CMSS1: variants seen among roughly 807,000 people sequenced by gnomAD.
The protein encoded by CMSS1 is cms1 ribosomal small subunit homolog.
Under a neutral mutation model 43.5 loss-of-function variants are expected in CMSS1, and 33 were observed. The observed-to-expected ratio is 0.76, with a 90% CI of 0.57 to 1.01. The LOEUF is 1.01. Among genes scored for constraint, CMSS1 ranks in the 50% least tolerant of loss-of-function variants. The pLI, the probability that CMSS1 is intolerant of heterozygous loss-of-function variation, is 0.00. For missense variants in CMSS1, 313 were observed against 326.4 expected, an observed-to-expected ratio of 0.96 and a Z score of 0.32; for synonymous variants, 115 against 117.2, an observed-to-expected ratio of 0.98 and a Z score of 0.12.
intron 1 of CMSS1, among the ~76,000 whole-genome samples, chr3:99,825,508 C>T (rs1942519632): frequency 6.6e-6 from 1 of 152,176 alleles, no homozygotes; most frequent in Non-Finnish European, 1.5e-5. Context: ...GTTTAATTTA[C>T]TGCATATAAT....
At chr3:100,008,293 C>A (rs2107185909) in intron 1 of CMSS1, among the ~76,000 whole-genome samples, 1 of 152,278 alleles carries the variant, frequency 6.6e-6, no homozygotes, top group South Asian at 2.1e-4. Context: ...TAGACTTGAA[C>A]CAGTGCCAAA....
intron 2 of CMSS1, among the ~76,000 whole-genome samples, chr3:100,147,834 G>A (rs564654502): frequency 6.6e-6 from 1 of 152,218 alleles, no homozygotes; most frequent in East Asian, 1.9e-4. Context: ...CGTGGTCTTT[G>A]CCATTACCAG....
chr3:99,907,132 G>A (rs189442121), intron 1 of CMSS1, among the ~76,000 whole-genome samples: 49 of 152,308 alleles, frequency 3.2e-4, no homozygotes, highest in African/African-American at 1.2e-3. Context: ...TATACTGGAA[G>A]CAGCCCTTCA....
chr3:99,958,287 G>A (rs1337663638), intron 1 of CMSS1, among the ~76,000 whole-genome samples: 2 of 149,912 alleles, frequency 1.3e-5, no homozygotes, highest in Non-Finnish European at 3.0e-5. Flanking sequence ...GAATTTAAGA[G>A]AACAGTAACA....
At chr3:100,104,571 G>A (rs547118968) in intron 1 of CMSS1, among the ~76,000 whole-genome samples, 1 of 152,160 alleles carries the variant, frequency 6.6e-6, no homozygotes, top group Non-Finnish European at 1.5e-5. Context: ...AGTGACCAAG[G>A]CAGAGAAGAA....
chr3:99,946,941 C>A (rs566622943), intron 1 of CMSS1, among the ~76,000 whole-genome samples: 1 of 152,068 alleles, frequency 6.6e-6, no homozygotes, highest in South Asian at 2.1e-4. Context: ...TCAAGACCAG[C>A]CTGGCCAACA....
At chr3:99,906,029 C>T (rs892970163) in intron 1 of CMSS1, among the ~76,000 whole-genome samples, 2 of 152,082 alleles carry the variant, frequency 1.3e-5, no homozygotes, top group Middle Eastern at 3.2e-3. Flanking sequence ...CCTGTCTCTA[C>T]AAAAAATACA....
At chr3:99,945,877 AG>A (rs1448314422) in intron 1 of CMSS1, among the ~76,000 whole-genome samples, 1 of 152,208 alleles carries the variant, frequency 6.6e-6, no homozygotes, top group South Asian at 2.1e-4. Flanking sequence ...CTTGTCACAG[AG>A]CCAGTGGGAG....
In CMSS1 at chr3:99,873,431, C is replaced by G. The variant is rs188624966; in HGVS notation, c.64+55388C>G. On this transcript the variant is annotated intron_variant, in intron 1 of 9. Transcript: ENST00000421999. ...GGTTGAGACCAATATTGCCTTACAT[C>G]CACAATATCCAGTCTTTTATAAACA... Among the ~76,000 whole-genome samples the G allele has an allele frequency of 2.0e-5, 3 of 152,296 alleles. No homozygotes were observed. The East Asian group carries it at 5.8e-4, about 29-fold the overall frequency.
rs149488260 is a variant in CMSS1 at position 99,863,501 on chromosome 3, T to G, written c.64+45458T>G. ...AAAATGTCAAGTAGACTATTAAGGA[T>G]ATTTTATAATTTTTTTGACTCTTCA... On this transcript the variant is annotated intron_variant, in intron 1 of 9. Coordinates refer to ENST00000421999, the MANE Select transcript of CMSS1 (RefSeq NM_032359.4). 7.3e-3 allele frequency among the ~76,000 whole-genome samples: 1,105 copies of G among 152,300 alleles called. 18 individuals carry two copies. Among genetic ancestry groups the G allele is most frequent in the African/African-American group, 0.024 (1,016 of 41,552 alleles).
Position 100,153,464 on chromosome 3 carries a change from T to C in CMSS1, c.153+6403T>C, listed in dbSNP as rs138313559. On this transcript the variant is annotated intron_variant, in intron 2 of 9. Coordinates refer to ENST00000421999, the MANE Select transcript of CMSS1 (RefSeq NM_032359.4). ...GACAGGGTGGCTGAAACAACAGTTC[T>C]AAAAGCTAGAAGTCTGCGATCAAGA... 1.6e-4 allele frequency among the ~76,000 whole-genome samples: 24 copies of C among 152,344 alleles called. No individual in the cohort carries two copies. The East Asian group carries it at 4.6e-3, about 29-fold the overall frequency.
At chr3:99,871,976 G>A (rs1944810575) in intron 1 of CMSS1, among the ~76,000 whole-genome samples, 1 of 151,714 alleles carries the variant, frequency 6.6e-6, no homozygotes, top group Non-Finnish European at 1.5e-5. Context: ...TAAGAACTTT[G>A]AACCTTTCTA....
chr3:100,051,398 C>T (rs2065370067), intron 1 of CMSS1: 1 of 151,448 alleles, frequency 6.6e-6, no homozygotes, highest in South Asian at 2.1e-4. Context: ...GGTACATGTG[C>T]ACAATGTGCA....
chr3:99,886,375 A>T (rs933743889), intron 1 of CMSS1, among the ~76,000 whole-genome samples: 2 of 152,142 alleles, frequency 1.3e-5, no homozygotes, highest in African/African-American at 4.8e-5. Flanking sequence ...CTCTTGTACC[A>T]TACATAAAAT....
chr3:99,973,866 C>G (rs1708893764), intron 1 of CMSS1, among the ~76,000 whole-genome samples: 1 of 152,062 alleles, frequency 6.6e-6, no homozygotes, highest in South Asian at 2.1e-4. Flanking sequence ...GATGGTTGCT[C>G]TAAGTTTTAG....
chr3:99,890,855 G>T (rs1449513344), intron 1 of CMSS1, among the ~76,000 whole-genome samples: 1 of 151,368 alleles, frequency 6.6e-6, no homozygotes, highest in African/African-American at 2.4e-5. Context: ...ATTATTTTCT[G>T]TATGCTTTCA....
In CMSS1 at chr3:100,032,512, G is replaced by A. The variant is rs147396705; in HGVS notation, c.65-114461G>A. Among the ~76,000 whole-genome samples the A allele has an allele frequency of 4.6e-3, 706 of 152,236 alleles. 2 individuals carry two copies. The highest frequency in any genetic ancestry group is 7.1e-3 in the South Asian group (34 of 4,818). ...TGAAGTCTGTCTGAGGCAGAGAGGAGACAGCTAGCCGAATTCCCCTTTCGC... is the reference window on the plus strand; with the variant it reads ...TGAAGTCTGTCTGAGGCAGAGAGGAAACAGCTAGCCGAATTCCCCTTTCGC... On this transcript the variant is annotated intron_variant, in intron 1 of 9. Transcript: ENST00000421999.
chr3:99,911,311 T>TTATATATTATATAA (rs1258537048), intron 1 of CMSS1, among the ~76,000 whole-genome samples: 3 of 148,616 alleles, frequency 2.0e-5, no homozygotes, highest in African/African-American at 7.3e-5. Flanking sequence ...GTTTTTGTTA[T>TTATATATTATATAA]TATATATTAT....
chr3:99,849,987 C>T (rs1553688540), intron 1 of CMSS1: 2 of 1,612,062 alleles, frequency 1.2e-6, no homozygotes, highest in East Asian at 4.5e-5. Context: ...AATCATCTCT[C>T]TCCTTGGTTA....
Sources: allele counts gnomAD v4.1 joint callset (sites outside exome capture counted in the v4.1 genomes callset), GRCh38; gene constraint gnomAD v4.1.1; transcripts MANE v1.5; gene names NCBI Gene and HGNC (gene_info 2026-07-23, HGNC 2026-07-21).